Variants in ZFP36 observed in about 807,000 individuals in gnomAD.
The protein encoded by ZFP36 is mRNA decay activator protein ZFP36.
Under a neutral mutation model 19.8 loss-of-function variants are expected in ZFP36, and 13 were observed. The ratio of observed to expected loss-of-function variants is 0.66; its 90% CI spans 0.43 to 1.04. ZFP36 has a LOEUF of 1.04. ZFP36 is among the 50% of genes least tolerant of loss of function. The probability of loss-of-function intolerance (pLI) is 0.00; values close to 1 mark genes in which losing one functional copy is unlikely to be tolerated. For synonymous variants in ZFP36, 191 were observed against 194.5 expected (o/e 0.98, Z 0.15); for missense variants, 354 against 441.6 (o/e 0.80, Z 1.78).
rs17878918 is a variant in ZFP36, at chr19:39,407,556, C to G, written c.25-187C>G. On this transcript the variant is annotated intron_variant, in intron 1 of 1. Transcript: ENST00000597629. The surrounding 1 kb of genome is among the most constrained non-coding windows in gnomAD (Gnocchi z 7.6). Reference sequence around the variant, plus strand: ...GATTCCTGGGTCCCTCGGGATAAGGCCTCGGTGGTGGGTAAACTCAGAACC... The same window carrying G: ...GATTCCTGGGTCCCTCGGGATAAGGGCTCGGTGGTGGGTAAACTCAGAACC... 2.8e-3 allele frequency: 1,554 copies of G among 563,740 alleles called. 16 individuals carry two copies. Among genetic ancestry groups the G allele is most frequent in the African/African-American group, 0.02 (1,040 of 52,510 alleles). The allele number at this position is 563,740 out of a possible 1,614,324, so 34.9% of individuals were successfully genotyped here.
rs2078483129 is a variant in ZFP36, at chr19:39,407,555, G to T, written c.25-188G>T. On this transcript the variant is annotated intron_variant, in intron 1 of 1. Coordinates refer to ENST00000597629, the MANE Select transcript of ZFP36 (RefSeq NM_003407.5). The surrounding 1 kb of genome is among the most constrained non-coding windows in gnomAD (Gnocchi z 7.6). ...GGATTCCTGGGTCCCTCGGGATAAG[G>T]CCTCGGTGGTGGGTAAACTCAGAAC... 5.3e-6 allele frequency: 3 copies of T among 561,608 alleles called. 1 individual carries two copies. In the Admixed American group the frequency reaches 8.5e-5, roughly 16 times the overall value. 34.8% of individuals were successfully genotyped at this position (561,608 alleles called of 1,614,324 possible). A position where few individuals can be genotyped will look rare whatever the true frequency, so the allele number is the denominator to read the frequency against.
In ZFP36 at chr19:39,406,864, C is replaced by T; in HGVS notation, c.-41C>T. 1 of 1,596,260 alleles carries T rather than the reference C, an allele frequency of 6.3e-7. No individual in the cohort carries two copies. The highest frequency in any genetic ancestry group is 8.5e-7 in the Non-Finnish European group (1 of 1,173,862). ...CCAGCCTCAGCCTGACTTCAGCGCT[C>T]CCACTCTCGGCCGACACCCCTCATG... On this transcript the variant is annotated 5_prime_UTR_variant, in exon 1 of 2. Coordinates refer to ENST00000597629, the MANE Select transcript of ZFP36 (RefSeq NM_003407.5).
In ZFP36 at chr19:39,409,338, AATAT is replaced by A. The variant is rs909053352; in HGVS notation, c.*644_*647del. 6.6e-6 allele frequency: 1 copy of A among 152,030 alleles called. No individual in the cohort carries two copies. Among genetic ancestry groups the A allele is most frequent in the Non-Finnish European group, 1.5e-5 (1 of 68,008 alleles). The allele number at this position is 152,030 out of a possible 1,614,324, so 9.4% of individuals were successfully genotyped here. On this transcript the variant is annotated 3_prime_UTR_variant, in exon 2 of 2. Transcript: ENST00000597629. ...ATAAGTAGACTATAATATATTTAGT[AATAT>A]ATATTATTACCTTAAAAGTCTATTT...
Position 39,407,852 on chromosome 19 carries a change from C to G in ZFP36, c.134C>G (p.Ser45Cys), listed in dbSNP as rs761021327. 21 of 1,606,220 alleles carry G rather than the reference C, an allele frequency of 1.3e-5. No individual in the cohort carries two copies. In the Middle Eastern group the frequency reaches 1.3e-3, roughly 103 times the overall value. The change falls in exon 2 of 2, where the codon TCC becomes TGC. Residue 45 changes from serine (S) to cysteine (C), a missense_variant. Ser to Cys is a moderately radical substitution (Grantham distance 112). Coordinates refer to ENST00000597629, the MANE Select transcript of ZFP36 (RefSeq NM_003407.5). The surrounding 1 kb of genome is among the most constrained non-coding windows in gnomAD (Gnocchi z 7.6). ...CCCTGGAGCCTGAGCCCCTCCGACTCCAGCCCGTCTGGGGTCACCTCCCGC... is the reference window on the plus strand; with the variant it reads ...CCCTGGAGCCTGAGCCCCTCCGACTGCAGCCCGTCTGGGGTCACCTCCCGC... ...SGPWSLSPSD[S>C]SPSGVTSRLP... is the part of the protein sequence containing the mutation.
chr19:39,406,960 C>T (rs745868962), intron 1 of ZFP36, 32 bp downstream of exon 1: 1 of 1,609,148 alleles, frequency 6.2e-7, no homozygotes, highest in African/African-American at 1.3e-5. Context: ...TCCCCGGTAC[C>T]TGCATGCCTG....
Position 39,407,090 on chromosome 19 carries a change from AC to A in ZFP36, c.24+164del. 1 of 752,118 alleles carries A rather than the reference AC, an allele frequency of 1.3e-6. No individual in the cohort carries two copies. The highest frequency in any genetic ancestry group is 3.3e-5 in the East Asian group (1 of 30,406). 46.6% of individuals were successfully genotyped at this position (752,118 alleles called of 1,614,324 possible). A position where few individuals can be genotyped will look rare whatever the true frequency, so the allele number is the denominator to read the frequency against. ...CCTGGGGCCCCTGCCTCCCGCTCAG[AC>A]CAGCTTGGTGATTTGGAGGTGAAAA... On this transcript the variant is annotated intron_variant, in intron 1 of 1. Coordinates refer to ENST00000597629, the MANE Select transcript of ZFP36 (RefSeq NM_003407.5). This position sits in a 1 kb window ranked among gnomAD's most constrained non-coding sequence, Gnocchi z 7.6.
chr19:39,407,341 C>A lies in ZFP36; in HGVS notation c.25-402C>A, dbSNP rs17879142. 4.6e-6 allele frequency: 2 copies of A among 431,462 alleles called. No individual in the cohort carries two copies. The highest frequency in any genetic ancestry group is 4.1e-6 in the Non-Finnish European group (1 of 245,238). The allele number at this position is 431,462 out of a possible 1,614,324, so 26.7% of individuals were successfully genotyped here. A position where few individuals can be genotyped will look rare whatever the true frequency, so the allele number is the denominator to read the frequency against. Reference sequence around the variant, plus strand: ...GACTTCTGTCTCTCCAGTCCCTGACCGTAGAGACAGAGAACCCTAAAACCG... The same window carrying A: ...GACTTCTGTCTCTCCAGTCCCTGACAGTAGAGACAGAGAACCCTAAAACCG... On this transcript the variant is annotated intron_variant, in intron 1 of 1. Transcript: ENST00000597629. This position sits in a 1 kb window ranked among gnomAD's most constrained non-coding sequence, Gnocchi z 7.6.
At position 39,408,762 on chromosome 19, in the gene ZFP36, G is replaced by GTC; in HGVS notation, c.*67_*68dup. The GTC allele has an allele frequency of 6.9e-7, 1 of 1,459,568 alleles. No individual in the cohort carries two copies. The highest frequency in any genetic ancestry group is 9.2e-7 in the Non-Finnish European group (1 of 1,092,176). The allele number at this position is 1,459,568 out of a possible 1,614,324, so 90.4% of individuals were successfully genotyped here. On this transcript the variant is annotated 3_prime_UTR_variant, in exon 2 of 2. Coordinates refer to ENST00000597629, the MANE Select transcript of ZFP36 (RefSeq NM_003407.5). This position sits in a 1 kb window ranked among gnomAD's most constrained non-coding sequence, Gnocchi z 6.0. Reference sequence around the variant, plus strand: ...GGGGAGCCACGTCTCTTGCACTGTGGTCTCTGCATGGACCCCAGGGCTGTG... The same window carrying GTC: ...GGGGAGCCACGTCTCTTGCACTGTGGTCTCTCTGCATGGACCCCAGGGCTGTG...
In ZFP36 at chr19:39,408,225, C is replaced by A; in HGVS notation, c.507C>A (p.Ser169Arg). 1 of 1,613,970 alleles carries A rather than the reference C, an allele frequency of 6.2e-7. No individual in the cohort carries two copies. The highest frequency in any genetic ancestry group is 8.5e-7 in the Non-Finnish European group (1 of 1,180,002). Reference protein sequence around the residue: ...GSRCHFIHNPSEDLAAPGHPP... With the variant: ...GSRCHFIHNPREDLAAPGHPP... ...GCTGCCACTTCATCCACAACCCTAG[C>A]GAAGACCTGGCGGCCCCGGGCCACC... The change falls in exon 2 of 2, where the codon AGC becomes AGA. Residue 169 changes from serine to arginine, a missense_variant. Transcript: ENST00000597629. The surrounding 1 kb of genome is among the most constrained non-coding windows in gnomAD (Gnocchi z 6.0).
At position 39,407,813 on chromosome 19, in the gene ZFP36, G is replaced by A; in HGVS notation, c.95G>A (p.Trp32Ter). Reference sequence around the variant, plus strand: ...GGAGGGACTGAGTCCAGCCCAGGCTGGGGCTCCTCGGGACCCTGGAGCCTG... The same window carrying A: ...GGAGGGACTGAGTCCAGCCCAGGCTAGGGCTCCTCGGGACCCTGGAGCCTG... ...DHGGTESSPG[W>*]GSSGPWSLSP... Residue 32 changes from tryptophan to a stop codon, truncating the protein, a stop_gained, in exon 2 of 2, where the codon TGG becomes TAG. Transcript: ENST00000597629. LOFTEE classifies it high-confidence loss of function. The surrounding 1 kb of genome is among the most constrained non-coding windows in gnomAD (Gnocchi z 7.6). The A allele has an allele frequency of 6.2e-7, 1 of 1,600,090 alleles. No individual in the cohort carries two copies. The highest frequency in any genetic ancestry group is 8.5e-7 in the Non-Finnish European group (1 of 1,175,326).
Position 39,408,754 on chromosome 19 carries a change from G to A in ZFP36, c.*55G>A. On this transcript the variant is annotated 3_prime_UTR_variant, in exon 2 of 2. Transcript: ENST00000597629. This position sits in a 1 kb window ranked among gnomAD's most constrained non-coding sequence, Gnocchi z 6.0. ...ATCTCAGCGGGGAGCCACGTCTCTT[G>A]CACTGTGGTCTCTGCATGGACCCCA... The A allele has an allele frequency of 6.7e-7, 1 of 1,492,110 alleles. No individual in the cohort carries two copies. Among genetic ancestry groups the A allele is most frequent in the South Asian group, 1.3e-5 (1 of 76,744 alleles). The allele number at this position is 1,492,110 out of a possible 1,614,324, so 92.4% of individuals were successfully genotyped here.
rs1420068768 is a variant in ZFP36 at position 39,408,221 on chromosome 19, C to G, written c.503C>G (p.Pro168Arg). Residue 168 changes from proline (P) to arginine (R), a missense_variant, in exon 2 of 2, where the codon CCT becomes CGT. By Grantham distance (103) the Pro-to-Arg change is moderately radical (BLOSUM62 -2). Transcript: ENST00000597629. The surrounding 1 kb of genome is among the most constrained non-coding windows in gnomAD (Gnocchi z 6.0). The stretch of plus-strand genomic sequence containing the variant: ...TCTCGCTGCCACTTCATCCACAACC[C>G]TAGCGAAGACCTGGCGGCCCCGGGC... The part of the protein sequence containing the change: ...YGSRCHFIHN[P>R]SEDLAAPGHP... The G allele has an allele frequency of 6.2e-7, 1 of 1,614,004 alleles. No homozygotes were observed. Among genetic ancestry groups the G allele is most frequent in the Non-Finnish European group, 8.5e-7 (1 of 1,180,006 alleles).
rs1555729840 is a variant in ZFP36, at chr19:39,407,914, A to C, written c.196A>C (p.Ser66Arg). ...GRSTSLVEGRSCGWVPPPPGF... is the reference protein window; with the variant it reads ...GRSTSLVEGRRCGWVPPPPGF... The stretch of plus-strand genomic sequence containing the variant: ...CTCCACCAGCCTAGTGGAGGGCCGC[A>C]GCTGTGGCTGGGTGCCCCCACCCCC... Residue 66 changes from serine to arginine, a missense_variant, in exon 2 of 2, where the codon AGC becomes CGC. By Grantham distance (110) the Ser-to-Arg change is moderately radical. Coordinates refer to ENST00000597629, the MANE Select transcript of ZFP36 (RefSeq NM_003407.5). The surrounding 1 kb of genome is among the most constrained non-coding windows in gnomAD (Gnocchi z 7.6). 6.3e-7 allele frequency: 1 copy of C among 1,599,294 alleles called. No homozygotes were observed. The highest frequency in any genetic ancestry group is 8.5e-7 in the Non-Finnish European group (1 of 1,176,480).
Position 39,406,920 on chromosome 19 carries a change from A to G in ZFP36, c.16A>G (p.Ile6Val), listed in dbSNP as rs1456765275. Residue 6 changes from isoleucine (I) to valine (V), a missense_variant, in exon 1 of 2, where the codon ATC becomes GTC. By Grantham distance (29) the Ile-to-Val change is conservative. Transcript: ENST00000597629. MDLTA[I>V]YESLLSLSPD... ...CCGTTACACCATGGATCTGACTGCCATCTACGAGGTGAGTCCCCGCCGCAC... is the reference window on the plus strand; with the variant it reads ...CCGTTACACCATGGATCTGACTGCCGTCTACGAGGTGAGTCCCCGCCGCAC... The G allele has an allele frequency of 6.2e-7, 1 of 1,611,744 alleles. No homozygotes were observed. Among genetic ancestry groups the G allele is most frequent in the African/African-American group, 1.3e-5 (1 of 74,906 alleles).
chr19:39,408,822 T>C lies in ZFP36; in HGVS notation c.*123T>C. On this transcript the variant is annotated 3_prime_UTR_variant, in exon 2 of 2. Transcript: ENST00000597629. The surrounding 1 kb of genome is among the most constrained non-coding windows in gnomAD (Gnocchi z 6.0). ...GGGACAGTAATCAAGTAATCCCCTT[T>C]TCCAGAATGCATTAACCCACTCCCC... The C allele has an allele frequency of 9.8e-7, 1 of 1,023,608 alleles. No individual in the cohort carries two copies. Among genetic ancestry groups the C allele is most frequent in the Non-Finnish European group, 1.4e-6 (1 of 719,440 alleles). The allele number at this position is 1,023,608 out of a possible 1,614,324, so 63.4% of individuals were successfully genotyped here. A position where few individuals can be genotyped will look rare whatever the true frequency, so the allele number is the denominator to read the frequency against.
chr19:39,407,686 G>C lies in ZFP36; in HGVS notation c.25-57G>C. The C allele has an allele frequency of 6.8e-7, 1 of 1,461,644 alleles. No individual in the cohort carries two copies. The highest frequency in any genetic ancestry group is 1.4e-5 in the South Asian group (1 of 74,038). 90.5% of individuals were successfully genotyped at this position (1,461,644 alleles called of 1,614,324 possible). A position where few individuals can be genotyped will look rare whatever the true frequency, so the allele number is the denominator to read the frequency against. ...GCCTGGCAAGCTCTAGTTCCCTGCA[G>C]CTGGGGTGGGGCGTCGCCCTGCATT... On this transcript the variant is annotated intron_variant, in intron 1 of 1. Transcript: ENST00000597629. This position sits in a 1 kb window ranked among gnomAD's most constrained non-coding sequence, Gnocchi z 7.6.
At position 39,408,717 on chromosome 19, in the gene ZFP36, C is replaced by A; in HGVS notation, c.*18C>A. 6.5e-7 allele frequency: 1 copy of A among 1,544,182 alleles called. No homozygotes were observed. The highest frequency in any genetic ancestry group is 1.2e-5 in the South Asian group (1 of 80,550). On this transcript the variant is annotated 3_prime_UTR_variant, in exon 2 of 2. Coordinates refer to ENST00000597629, the MANE Select transcript of ZFP36 (RefSeq NM_003407.5). This position sits in a 1 kb window ranked among gnomAD's most constrained non-coding sequence, Gnocchi z 6.0. ...CTGAGTGACAAAGTGACTGCCCGGTCAGATCAGCTGGATCTCAGCGGGGAG... is the reference window on the plus strand; with the variant it reads ...CTGAGTGACAAAGTGACTGCCCGGTAAGATCAGCTGGATCTCAGCGGGGAG...
rs199602105 is a variant in ZFP36, at chr19:39,408,470, C to T, written c.752C>T (p.Pro251Leu). 9.9e-6 allele frequency: 16 copies of T among 1,608,558 alleles called. No individual in the cohort carries two copies. The East Asian group carries it at 2.5e-4, about 25-fold the overall frequency. ...AGAGACCCCACCCCAGTCTGTTGCC[C>T]CTCCTGCCGAAGGGCCACTCCTATC... Reference protein sequence around the residue: ...ARRDPTPVCCPSCRRATPISV... With the variant: ...ARRDPTPVCCLSCRRATPISV... Residue 251 changes from proline to leucine, a missense_variant, in exon 2 of 2, where the codon CCC becomes CTC. Transcript: ENST00000597629. This position sits in a 1 kb window ranked among gnomAD's most constrained non-coding sequence, Gnocchi z 6.0.
chr19:39,407,465 A>G lies in ZFP36; in HGVS notation c.25-278A>G. The G allele has an allele frequency of 2.3e-6, 1 of 427,232 alleles. No homozygotes were observed. The highest frequency in any genetic ancestry group is 3.5e-5 in the East Asian group (1 of 28,354). 26.5% of individuals were successfully genotyped at this position (427,232 alleles called of 1,614,324 possible). On this transcript the variant is annotated intron_variant, in intron 1 of 1. Coordinates refer to ENST00000597629, the MANE Select transcript of ZFP36 (RefSeq NM_003407.5). The surrounding 1 kb of genome is among the most constrained non-coding windows in gnomAD (Gnocchi z 7.6). ...CATATCCGGGGAGGACAAGAGACCC[A>G]AAATTGGGAAACAGTGGTGCGCCCT...
Sources: gnomAD v4.1 joint callset for allele counts on GRCh38, gnomAD v4.1.1 for gene constraint, Gnocchi (gnomAD v3.1) non-coding constraint, MANE v1.5 for transcripts, NCBI Gene and HGNC (gene_info 2026-07-23, HGNC 2026-07-21) for gene names.